LRBA: variants seen among roughly 807,000 people sequenced by gnomAD.
LRBA encodes the protein LPS responsive beige-like anchor protein, also known as lipopolysaccharide-responsive and beige-like anchor protein.
In LRBA, 176 loss-of-function variants were observed where a neutral mutation model predicts 330.0. That is an observed-to-expected ratio of 0.53 (90% confidence interval 0.47 to 0.60). LRBA has a LOEUF of 0.60. LRBA is among the 20% of genes least tolerant of loss of function. The pLI is 0.00. For missense variants in LRBA, 3,259 were observed against 3,444.8 expected (o/e 0.95, Z 1.35); for synonymous variants, 1,230 against 1,193.0 (o/e 1.03, Z -0.64).
intron 47 of LRBA, among the ~76,000 whole-genome samples, chr4:150,381,934 C>A (rs554142026): frequency 6.6e-6 from 1 of 152,232 alleles, no homozygotes; most frequent in African/African-American, 2.4e-5. Flanking sequence ...TTTTCACGTG[C>A]CTTTTGGCCA....
At chr4:150,760,529 T>A (rs1233967295) in intron 35 of LRBA, among the ~76,000 whole-genome samples, 1 of 151,154 alleles carries the variant, frequency 6.6e-6, no homozygotes, top group Admixed American at 6.6e-5. Flanking sequence ...GGGATCTAGA[T>A]GCCCAATTCC....
chr4:150,578,674 T>C (rs947021507), intron 40 of LRBA, among the ~76,000 whole-genome samples: 1 of 152,250 alleles, frequency 6.6e-6, no homozygotes, highest in Non-Finnish European at 1.5e-5. Context: ...AACATCCTCA[T>C]ATTTTAGTTT....
At chr4:151,003,045 CGTGTGTGT>C (rs35823392) in intron 2 of LRBA, among the ~76,000 whole-genome samples, 24 of 147,308 alleles carry the variant, frequency 1.6e-4, no homozygotes, top group East Asian at 6.0e-4. Flanking sequence ...TATGTGTTTG[CGTGTGTGT>C]GTGTGTGTGT....
chr4:150,416,393 G>C (rs1013532711), intron 46 of LRBA, among the ~76,000 whole-genome samples: 4 of 152,126 alleles, frequency 2.6e-5, no homozygotes, highest in African/African-American at 9.7e-5. Context: ...GAGTAAAATA[G>C]GGAGGTCATC....
intron 44 of LRBA, among the ~76,000 whole-genome samples, chr4:150,463,045 G>A (rs183286089): frequency 5.8e-4 from 88 of 152,000 alleles, no homozygotes; most frequent in African/African-American, 7.9e-4. Context: ...AACAATCACC[G>A]CTATTTTATA....
At chr4:150,347,874 T>C (rs1244134428) in intron 48 of LRBA, among the ~76,000 whole-genome samples, 2 of 152,294 alleles carry the variant, frequency 1.3e-5, no homozygotes, top group East Asian at 1.9e-4. Context: ...TCTGATCACA[T>C]ATGCTGAACT....
At chr4:150,726,049 C>A (rs1729622920) in intron 36 of LRBA, among the ~76,000 whole-genome samples, 2 of 152,008 alleles carry the variant, frequency 1.3e-5, no homozygotes, top group Admixed American at 1.3e-4. Flanking sequence ...AGAAAACCAC[C>A]TTCACTACAA....
chr4:150,648,170 A>AAAAAAAAAAAAAAAAAAAAAAAAAAAC, intron 37 of LRBA, among the ~76,000 whole-genome samples: 1 of 144,188 alleles, frequency 6.9e-6, no homozygotes, highest in Non-Finnish European at 1.5e-5. Context: ...AAAAAAAAAA[A>AAAAAAAAAAAAAAAAAAAAAAAAAAAC]AAAAAAACTA....
chr4:150,501,976 C>T lies in LRBA; in HGVS notation c.6331-10941G>A, dbSNP rs75841702. ...GGAAAATAGAGAAACGTAGTTAGAA[C>T]GTAATGGTCTCCTGCAGTAGAGAAA... On this transcript the variant is annotated intron_variant, in intron 40 of 56. Coordinates refer to ENST00000651943, the MANE Select transcript of LRBA (RefSeq NM_001364905.1). 4.3e-3 allele frequency among the ~76,000 whole-genome samples: 648 copies of T among 152,258 alleles called. 3 individuals are homozygous for T. Among genetic ancestry groups the T allele is most frequent in the African/African-American group, 0.015 (623 of 41,554 alleles).
chr4:150,272,186 G>A (rs556429955), intron 56 of LRBA, among the ~76,000 whole-genome samples: 2 of 152,266 alleles, frequency 1.3e-5, no homozygotes, highest in South Asian at 4.1e-4. Flanking sequence ...AGGTAAACAG[G>A]GTCTGGAATG....
intron 23 of LRBA, 148 bp downstream of exon 23, chr4:150,851,737 C>A: frequency 1.3e-6 from 1 of 794,834 alleles, no homozygotes; most frequent in Non-Finnish European, 1.8e-6. Flanking sequence ...TGCTAATGAT[C>A]TGAAATACAA....
chr4:150,457,693 T>C, intron 44 of LRBA, among the ~76,000 whole-genome samples: 1 of 151,868 alleles, frequency 6.6e-6, no homozygotes. Flanking sequence ...AGGAGGATAG[T>C]TACTACTACT....
At chr4:150,887,930 G>A (rs1023291079) in intron 17 of LRBA, among the ~76,000 whole-genome samples, 7 of 152,074 alleles carry the variant, frequency 4.6e-5, no homozygotes, top group African/African-American at 1.7e-4. Context: ...ACTGAGGCAA[G>A]AGAACTGCTT....
In LRBA at chr4:150,264,741, A is replaced by G. The variant is rs2126675459; in HGVS notation, c.*981T>C. The G allele has an allele frequency of 6.5e-6, 1 of 152,820 alleles. No homozygotes were observed. The highest frequency in any genetic ancestry group is 1.5e-5 in the Non-Finnish European group (1 of 68,048). The allele number at this position is 152,820 out of a possible 1,614,324, so 9.5% of individuals were successfully genotyped here. ...ACAGAATTCCACACAGTAATCTACT[A>G]GAAAAGTAGAATTATACACCACCAA... On this transcript the variant is annotated 3_prime_UTR_variant, in exon 57 of 57. Transcript: ENST00000651943.
intron 47 of LRBA, among the ~76,000 whole-genome samples, chr4:150,397,422 C>T (rs1001003316): frequency 5.9e-5 from 9 of 151,942 alleles, no homozygotes; most frequent in Non-Finnish European, 8.8e-5. Flanking sequence ...GGACTACAGG[C>T]ACATGACACC....
At chr4:150,513,110 T>C (rs930015198) in intron 40 of LRBA, among the ~76,000 whole-genome samples, 5 of 152,140 alleles carry the variant, frequency 3.3e-5, no homozygotes, top group African/African-American at 9.7e-5. Context: ...ACAGAATACA[T>C]TGAATGTATG....
intron 2 of LRBA, among the ~76,000 whole-genome samples, chr4:151,011,873 A>T: frequency 6.6e-6 from 1 of 151,696 alleles, no homozygotes; most frequent in Non-Finnish European, 1.5e-5. Flanking sequence ...TTGTAGAGAC[A>T]GGGTCTCACT....
chr4:150,965,197 G>T (rs1262814829), intron 2 of LRBA, among the ~76,000 whole-genome samples: 1 of 152,106 alleles, frequency 6.6e-6, no homozygotes, highest in Non-Finnish European at 1.5e-5. Flanking sequence ...ATTTATTGAA[G>T]TATTATTAGT....
chr4:150,908,211 T>C (rs1206100036), intron 11 of LRBA, 123 bp downstream of exon 11: 6 of 912,656 alleles, frequency 6.6e-6, no homozygotes, highest in Admixed American at 2.7e-5. Flanking sequence ...TGTAATACAG[T>C]TTATAGTTCA....
Sources: allele counts gnomAD v4.1 joint callset (sites outside exome capture counted in the v4.1 genomes callset), GRCh38; gene constraint gnomAD v4.1.1; transcripts MANE v1.5; gene names NCBI Gene and HGNC (gene_info 2026-07-23, HGNC 2026-07-21).